The following CNTNAP2 variants were observed in gnomAD, a reference collection of about 807,000 sequenced individuals.
The protein encoded by CNTNAP2 is contactin-associated protein-like 2.
In CNTNAP2, 98 loss-of-function variants were observed where a neutral mutation model predicts 155.2. The ratio of observed to expected loss-of-function variants is 0.63; its 90% CI spans 0.54 to 0.75. The LOEUF is 0.75. CNTNAP2 is among the 30% of genes least tolerant of loss of function. The probability of loss-of-function intolerance (pLI) is 0.00; values close to 1 mark genes in which losing one functional copy is unlikely to be tolerated. For synonymous variants in CNTNAP2, 651 were observed against 631.2 expected, an observed-to-expected ratio of 1.03 and a Z score of -0.47; for missense variants, 1,727 against 1,688.1, an observed-to-expected ratio of 1.02 and a Z score of -0.40.
At chr7:146,275,681 G>A (rs1426536126) in intron 1 of CNTNAP2, among the ~76,000 whole-genome samples, 1 of 152,118 alleles carries the variant, frequency 6.6e-6, no homozygotes, top group Non-Finnish European at 1.5e-5. Flanking sequence ...GTTTACATGA[G>A]CCTCTATATC....
intron 3 of CNTNAP2, among the ~76,000 whole-genome samples, chr7:146,965,690 T>A (rs1353935452): frequency 3.9e-5 from 6 of 152,018 alleles, no homozygotes; most frequent in Admixed American, 3.9e-4. Flanking sequence ...AAATGATGAT[T>A]TATAGAGAGG....
At chr7:147,315,315 A>G (rs1302206723) in intron 9 of CNTNAP2, among the ~76,000 whole-genome samples, 3 of 150,730 alleles carry the variant, frequency 2.0e-5, no homozygotes, top group Admixed American at 6.6e-5. Flanking sequence ...AGAGTCTTGT[A>G]ACTATCACCA....
At chr7:148,383,531 T>TAACA (rs1225476306) in intron 21 of CNTNAP2, 118 bp from the exon 22 acceptor site, 1 of 1,427,802 alleles carries the variant, frequency 7.0e-7, no homozygotes, top group Non-Finnish European at 9.8e-7. Context: ...CAAAACAATG[T>TAACA]AACATCTTAA....
At chr7:147,399,691 G>A (rs1267799414) in intron 10 of CNTNAP2, among the ~76,000 whole-genome samples, 2 of 152,196 alleles carry the variant, frequency 1.3e-5, no homozygotes, top group African/African-American at 2.4e-5. Context: ...GTCAGGAAGA[G>A]AGTTGGATAT....
intron 13 of CNTNAP2, among the ~76,000 whole-genome samples, chr7:147,851,813 G>C (rs1798947589): frequency 6.6e-6 from 1 of 151,850 alleles, no homozygotes; most frequent in Non-Finnish European, 1.5e-5. Context: ...TAATGTAAAT[G>C]ACGAGTTAAT....
chr7:147,092,824 A>T (rs1339532848), intron 4 of CNTNAP2, among the ~76,000 whole-genome samples: 1 of 152,132 alleles, frequency 6.6e-6, no homozygotes, highest in Non-Finnish European at 1.5e-5. Context: ...AGGTATATAA[A>T]CCACAGTGTT....
intron 1 of CNTNAP2, among the ~76,000 whole-genome samples, chr7:146,280,168 T>C (rs1176202151): frequency 6.6e-6 from 1 of 152,080 alleles, no homozygotes; most frequent in African/African-American, 2.4e-5. Flanking sequence ...TCAGAACAAT[T>C]CTTGTCCGAC....
At chr7:146,605,091 A>C (rs979696880) in intron 1 of CNTNAP2, among the ~76,000 whole-genome samples, 6 of 150,620 alleles carry the variant, frequency 4.0e-5, no homozygotes, top group Non-Finnish European at 7.4e-5. Context: ...AAACAACAAA[A>C]AAAAAAAGAA....
At chr7:147,584,332 G>A (rs1357502362) in intron 12 of CNTNAP2, among the ~76,000 whole-genome samples, 10 of 152,094 alleles carry the variant, frequency 6.6e-5, no homozygotes, top group Non-Finnish European at 1.5e-5. Flanking sequence ...TATTCCATCT[G>A]TATACATTTA....
At chr7:146,611,927 G>C (rs1163641778) in intron 1 of CNTNAP2, among the ~76,000 whole-genome samples, 1 of 152,096 alleles carries the variant, frequency 6.6e-6, no homozygotes, top group African/African-American at 2.4e-5. Context: ...ATATTGAAAG[G>C]ATTTGTTCAA....
intron 13 of CNTNAP2, among the ~76,000 whole-genome samples, chr7:147,757,022 T>C (rs1797221522): frequency 6.6e-6 from 1 of 152,182 alleles, no homozygotes; most frequent in South Asian, 2.1e-4. Flanking sequence ...TCTGGTTGAA[T>C]AACCTCTGAA....
chr7:148,376,405 A>T (rs2116648517), intron 21 of CNTNAP2, among the ~76,000 whole-genome samples: 1 of 66,646 alleles, frequency 1.5e-5, no homozygotes, highest in East Asian at 4.4e-4. Flanking sequence ...CTGTAGTCCC[A>T]GGTACTTAGG....
chr7:148,117,374 G>A (rs141318008), intron 15 of CNTNAP2, among the ~76,000 whole-genome samples: 24 of 152,308 alleles, frequency 1.6e-4, no homozygotes, highest in Admixed American at 1.2e-3. Context: ...AGAGTTTGGC[G>A]CAGGAGAGGT....
chr7:146,978,089 T>C (rs555972635), intron 3 of CNTNAP2, among the ~76,000 whole-genome samples: 5 of 152,330 alleles, frequency 3.3e-5, no homozygotes, highest in African/African-American at 1.2e-4. Flanking sequence ...GGCTATTAGC[T>C]GTGGATAGGA....
At chr7:147,792,535 C>T (rs1797836703) in intron 13 of CNTNAP2, among the ~76,000 whole-genome samples, 1 of 151,758 alleles carries the variant, frequency 6.6e-6, no homozygotes. Context: ...TATCTTAGTA[C>T]TTCATTCCTT....
Position 147,177,510 on chromosome 7 carries a change from C to T in CNTNAP2, c.1348+45001C>T, listed in dbSNP as rs946807284. 2.6e-5 allele frequency among the ~76,000 whole-genome samples: 4 copies of T among 152,132 alleles called. No homozygotes were observed. In the South Asian group the frequency reaches 8.3e-4, roughly 32 times the overall value. ...AAACCTCTTTTCTTTATAAATTACCCGTTCTCAGGTATTGCTTCATAGCAG... is the reference window on the plus strand; with the variant it reads ...AAACCTCTTTTCTTTATAAATTACCTGTTCTCAGGTATTGCTTCATAGCAG... On this transcript the variant is annotated intron_variant, in intron 8 of 23. Transcript: ENST00000361727.
At chr7:146,179,224 T>C (rs1306778424) in intron 1 of CNTNAP2, among the ~76,000 whole-genome samples, 1 of 152,068 alleles carries the variant, frequency 6.6e-6, no homozygotes, top group African/African-American at 2.4e-5. Context: ...CAGATGAAAG[T>C]GTTGCAGATG....
At chr7:147,715,622 A>G (rs1370954000) in intron 13 of CNTNAP2, among the ~76,000 whole-genome samples, 2 of 152,058 alleles carry the variant, frequency 1.3e-5, no homozygotes, top group East Asian at 1.9e-4. Context: ...TGATTTGCAA[A>G]TATTTTCTCC....
chr7:147,924,143 C>CTTTTTTTTTTTTTTTTTTTTTT (rs71527854), intron 14 of CNTNAP2, among the ~76,000 whole-genome samples: 12 of 123,474 alleles, frequency 9.7e-5, no homozygotes, highest in East Asian at 2.3e-4. Flanking sequence ...CTTTTCTTTT[C>CTTTTTTTTTTTTTTTTTTTTTT]TTTTTTTTTT....
Sources: gnomAD v4.1 joint callset for allele counts (sites outside exome capture counted in the v4.1 genomes callset) on GRCh38, gnomAD v4.1.1 for gene constraint, MANE v1.5 for transcripts, NCBI Gene and HGNC (gene_info 2026-07-23, HGNC 2026-07-21) for gene names.